Variants in AZIN2 observed in about 807,000 individuals in gnomAD.
AZIN2 encodes ODC antizyme inhibitor-2.
In AZIN2, 28 loss-of-function variants were observed where a neutral mutation model predicts 47.8. The ratio of observed to expected loss-of-function variants is 0.59; its 90% CI spans 0.43 to 0.80. The LOEUF (loss-of-function observed/expected upper bound fraction) is 0.80, where lower values mean the gene tolerates loss of function less well. Ranked by LOEUF, AZIN2 falls within the 30% of genes least tolerant of loss-of-function variation. The pLI is 0.00. For synonymous variants in AZIN2, 221 were observed against 239.4 expected (o/e 0.92, Z 0.71); for missense variants, 535 against 582.5 (o/e 0.92, Z 0.84).
intron 4 of AZIN2, chr1:33,083,597 G>A (rs1641531277): frequency 2.8e-6 from 1 of 356,220 alleles, no homozygotes; most frequent in Admixed American, 3.9e-5. Flanking sequence ...TGCCTTATTG[G>A]TTTGGGGAAG....
At position 33,121,345 on chromosome 1, in the gene AZIN2, C is replaced by T. The variant is rs1320437392; in HGVS notation, c.*1163C>T. 6.6e-6 allele frequency among the ~76,000 whole-genome samples: 1 copy of T among 152,168 alleles called. No individual in the cohort carries two copies. The highest frequency in any genetic ancestry group is 1.5e-5 in the Non-Finnish European group (1 of 68,034). ...TTGGGAGGCTGAGGCAGGTGATCAC[C>T]TGAGGTCAGGAGTTCGAGACCAGCC... On this transcript the variant is annotated 3_prime_UTR_variant, in exon 12 of 12. Transcript: ENST00000294517.
the AZIN2 span, among the ~76,000 whole-genome samples, chr1:33,133,620 G>A: frequency 1.2e-4 from 19 of 152,286 alleles, no homozygotes; most frequent in East Asian, 3.3e-3. Flanking sequence ...CCAAAGGGAT[G>A]GGGCATCAGG....
the AZIN2 span, among the ~76,000 whole-genome samples, chr1:33,150,739 G>T: frequency 6.6e-6 from 1 of 152,176 alleles, no homozygotes; most frequent in East Asian, 1.9e-4. Flanking sequence ...GGAGGTGGGA[G>T]TGGGAGGGAG....
chr1:33,141,680 G>A, the AZIN2 span, among the ~76,000 whole-genome samples: 104 of 152,154 alleles, frequency 6.8e-4, no homozygotes, highest in African/African-American at 2.4e-3. Context: ...TTTCAAGGGA[G>A]GGGGGAGCAT....
At chr1:33,161,446 G>GT in the AZIN2 span, among the ~76,000 whole-genome samples, 1 of 152,122 alleles carries the variant, frequency 6.6e-6, no homozygotes, top group East Asian at 1.9e-4. This position sits in a 1 kb window ranked among gnomAD's most constrained non-coding sequence, Gnocchi z 4.3. Flanking sequence ...ACTGTGTTCA[G>GT]TGCCCAGGGC....
chr1:33,111,956 G>GA (rs573547245), intron 10 of AZIN2, among the ~76,000 whole-genome samples: 22 of 152,000 alleles, frequency 1.4e-4, no homozygotes, highest in Non-Finnish European at 2.8e-4. Context: ...AGAAAATAAG[G>GA]AAAAAAGCAA....
chr1:33,099,144 C>T (rs545491984), intron 10 of AZIN2, among the ~76,000 whole-genome samples: 1 of 152,282 alleles, frequency 6.6e-6, no homozygotes, highest in East Asian at 1.9e-4. Flanking sequence ...GCCTAACTAG[C>T]ACTCATTATG....
rs1371055423 is a variant in AZIN2, at chr1:33,122,923, A to G, written c.*2741A>G. ...CTCCACAGTCCATCCTCCACTCAGC[A>G]GCCAGATGCCGTACCTCCTGGGATT... On this transcript the variant is annotated 3_prime_UTR_variant, in exon 12 of 12. Transcript: ENST00000294517. Among the ~76,000 whole-genome samples the G allele has an allele frequency of 6.6e-6, 1 of 152,128 alleles. No individual in the cohort carries two copies. The highest frequency in any genetic ancestry group is 1.5e-5 in the Non-Finnish European group (1 of 68,014).
At position 33,118,083 on chromosome 1, in the gene AZIN2, G is replaced by A. The variant is rs765556430; in HGVS notation, c.1211G>A (p.Cys404Tyr). 1 of 1,520,150 alleles carries A rather than the reference G, an allele frequency of 6.6e-7. No homozygotes were observed. Among genetic ancestry groups the A allele is most frequent in the Non-Finnish European group, 8.8e-7 (1 of 1,137,572 alleles). 94.2% of individuals were successfully genotyped at this position (1,520,150 alleles called of 1,614,324 possible). Residue 404 changes from cysteine (C) to tyrosine (Y), a missense_variant, in exon 11 of 12, where the codon TGC becomes TAC. Transcript: ENST00000294517. ...TCCCCCTTTTGGGGGACCCAGGCCT[G>A]CCACATCACCTATGCCATGTCCCGG... ...MGSPFWGTQA[C>Y]HITYAMSRVA... is the part of the protein sequence containing the mutation.
the AZIN2 span, chr1:33,142,048 A>AG: frequency 6.6e-6 from 1 of 152,082 alleles, no homozygotes; most frequent in Non-Finnish European, 1.5e-5. Flanking sequence ...TCCCAGAGTA[A>AG]GGGGAAATAA....
chr1:33,149,077 C>T, the AZIN2 span, among the ~76,000 whole-genome samples: 1 of 152,220 alleles, frequency 6.6e-6, no homozygotes, highest in African/African-American at 2.4e-5. Flanking sequence ...TCAAAAGGCC[C>T]ACCCTTTGGG....
chr1:33,096,780 T>TG lies in AZIN2; in HGVS notation c.831dup (p.Arg278AlafsTer43). The TG allele has an allele frequency of 6.2e-7, 1 of 1,614,268 alleles. No homozygotes were observed. Among genetic ancestry groups the TG allele is most frequent in the Non-Finnish European group, 8.5e-7 (1 of 1,180,056 alleles). On this transcript the variant is annotated frameshift_variant, in exon 9 of 12. Coordinates refer to ENST00000294517, the MANE Select transcript of AZIN2 (RefSeq NM_052998.4). LOFTEE classifies it high-confidence loss of function. ...TGTGGCGTGGACATCTTTGCTGAGC[T>TG]GGGGCGCTACTACGTGACCTCGGCC...
downstream of AZIN2, among the ~76,000 whole-genome samples, chr1:33,127,903 C>A (rs1300216286): frequency 2.0e-5 from 3 of 152,086 alleles, no homozygotes; most frequent in African/African-American, 7.2e-5. Flanking sequence ...CTGTGCAGTG[C>A]GTCTTAATGA....
At chr1:33,132,085 A>G in the AZIN2 span, among the ~76,000 whole-genome samples, 36 of 152,242 alleles carry the variant, frequency 2.4e-4, no homozygotes, top group East Asian at 4.0e-3. Flanking sequence ...CCACATTCCA[A>G]TTTCTGAGAA....
chr1:33,147,279 G>A, the AZIN2 span: 56 of 1,614,028 alleles, frequency 3.5e-5, 1 homozygote, highest in Admixed American at 4.5e-4. The surrounding 1 kb of genome is among the most constrained non-coding windows in gnomAD (Gnocchi z 8.1). Context: ...GGAACTTCTC[G>A]CGGAAGGTGT....
At chr1:33,098,034 C>G (rs1643341271) in intron 9 of AZIN2, 33 bp from the exon 10 acceptor site, 1 of 1,539,422 alleles carries the variant, frequency 6.5e-7, no homozygotes, top group Non-Finnish European at 9.0e-7. Context: ...CACATTGCTA[C>G]TTGTGCTGCC....
intron 10 of AZIN2, among the ~76,000 whole-genome samples, chr1:33,110,420 T>C (rs1241844247): frequency 2.0e-5 from 3 of 152,196 alleles, no homozygotes; most frequent in Non-Finnish European, 4.4e-5. Flanking sequence ...AGGTAGCAGA[T>C]CAGACCTGCG....
At chr1:33,146,902 G>A in the AZIN2 span, 2 of 479,014 alleles carry the variant, frequency 4.2e-6, no homozygotes, top group African/African-American at 3.9e-5. Context: ...GGGGATGAGG[G>A]TTGGGCAGGG....
intron 10 of AZIN2, among the ~76,000 whole-genome samples, chr1:33,103,919 G>C (rs1387546249): frequency 6.7e-6 from 1 of 149,112 alleles, no homozygotes. Flanking sequence ...GTCTCACTCT[G>C]TCACCCAGGC....
Sources: gnomAD v4.1 joint callset for allele counts (sites outside exome capture counted in the v4.1 genomes callset) on GRCh38, gnomAD v4.1.1 for gene constraint, Gnocchi (gnomAD v3.1) non-coding constraint, MANE v1.5 for transcripts, NCBI Gene and HGNC (gene_info 2026-07-23, HGNC 2026-07-21) for gene names.